Variants in PRORP observed in about 807,000 individuals in gnomAD.
PRORP encodes mitochondrial ribonuclease P catalytic subunit.
A neutral mutation model predicts 59.4 loss-of-function variants in PRORP; 51 were observed. That is an observed-to-expected ratio of 0.86 (90% CI 0.69 to 1.08). The LOEUF is 1.08. PRORP is among the 50% of genes least tolerant of loss of function. The pLI is 0.00. For synonymous variants in PRORP, 231 were observed against 245.6 expected (o/e 0.94, Z 0.55); for missense variants, 646 against 690.3 (o/e 0.94, Z 0.72).
intron 4 of PRORP, among the ~76,000 whole-genome samples, chr14:35,140,855 T>G (rs1469185017): frequency 6.8e-6 from 1 of 146,256 alleles, no homozygotes; most frequent in Non-Finnish European, 1.5e-5. Flanking sequence ...AGGTAATTTT[T>G]TAGCTTTTCT....
At chr14:35,201,710 TTG>T (rs1369992973) in intron 5 of PRORP, among the ~76,000 whole-genome samples, 1 of 151,758 alleles carries the variant, frequency 6.6e-6, no homozygotes. Context: ...TGGTGCGATC[TTG>T]CAGTGGTGCG....
chr14:35,205,013 A>G (rs1025265657), intron 5 of PRORP, among the ~76,000 whole-genome samples: 2 of 152,238 alleles, frequency 1.3e-5, no homozygotes, highest in African/African-American at 2.4e-5. Flanking sequence ...TAGAGAAGTC[A>G]ATGATAAATC....
At chr14:35,271,156 CTTTT>C (rs762721923) in intron 7 of PRORP, among the ~76,000 whole-genome samples, 1 of 114,558 alleles carries the variant, frequency 8.7e-6, no homozygotes, top group Non-Finnish European at 1.8e-5. Context: ...ATTATGACTT[CTTTT>C]TTTTTTTTTT....
intron 5 of PRORP, among the ~76,000 whole-genome samples, chr14:35,205,946 G>C (rs1486406497): frequency 6.6e-6 from 1 of 152,106 alleles, no homozygotes; most frequent in Admixed American, 6.5e-5. Flanking sequence ...TCTCTAAGAA[G>C]CTTACTATAA....
intron 4 of PRORP, among the ~76,000 whole-genome samples, chr14:35,167,512 T>C (rs1373846209): frequency 1.3e-5 from 2 of 152,198 alleles, no homozygotes; most frequent in African/African-American, 2.4e-5. Flanking sequence ...GTTGCCAGTT[T>C]AAAATTTCTC....
At chr14:35,223,906 C>T (rs2049863540) in intron 5 of PRORP, among the ~76,000 whole-genome samples, 1 of 152,112 alleles carries the variant, frequency 6.6e-6, no homozygotes, top group Non-Finnish European at 1.5e-5. Flanking sequence ...GGTATCATAC[C>T]AGCACCTCTA....
intron 5 of PRORP, among the ~76,000 whole-genome samples, chr14:35,206,829 C>G (rs2049306438): frequency 6.6e-6 from 1 of 152,172 alleles, no homozygotes; most frequent in South Asian, 2.1e-4. Flanking sequence ...AGGTCCATTC[C>G]ATTTCCATAT....
chr14:35,123,083 C>A lies in PRORP; in HGVS notation c.-163C>A. 1 of 715,074 alleles carries A rather than the reference C, an allele frequency of 1.4e-6. No individual in the cohort carries two copies. Among genetic ancestry groups the A allele is most frequent in the East Asian group, 2.7e-5 (1 of 36,956 alleles). 44.3% of individuals were successfully genotyped at this position (715,074 alleles called of 1,614,324 possible). On this transcript the variant is annotated 5_prime_UTR_variant, in exon 2 of 8. Coordinates refer to ENST00000534898, the MANE Select transcript of PRORP (RefSeq NM_014672.4). ...CACCTGCCTTCTTGCTTTTAAGTAG[C>A]CCCAAAAGCAGAACCTTGATTTGTC... is the stretch of plus-strand genomic sequence containing the variant.
chr14:35,228,264 A>G (rs544403587), intron 5 of PRORP, among the ~76,000 whole-genome samples: 46 of 152,342 alleles, frequency 3.0e-4, no homozygotes, highest in Admixed American at 2.6e-4. Flanking sequence ...AAAAGAAAAC[A>G]TAACATGTAA....
intron 5 of PRORP, among the ~76,000 whole-genome samples, chr14:35,186,184 G>A (rs1458286325): frequency 9.3e-6 from 1 of 107,580 alleles, no homozygotes; most frequent in South Asian, 2.7e-4. Flanking sequence ...ACGGGGTTTT[G>A]TCATGTTGCC....
chr14:35,190,795 AC>A (rs1261296377), intron 5 of PRORP, among the ~76,000 whole-genome samples: 2 of 152,076 alleles, frequency 1.3e-5, no homozygotes, highest in Non-Finnish European at 2.9e-5. Context: ...GAGCCACCGC[AC>A]CCGGCTGACT....
intron 4 of PRORP, among the ~76,000 whole-genome samples, chr14:35,171,932 A>G (rs1454799471): frequency 6.6e-6 from 1 of 151,794 alleles, no homozygotes; most frequent in Non-Finnish European, 1.5e-5. Context: ...CACCCTAGGA[A>G]TATTTTATTT....
Position 35,261,537 on chromosome 14 carries a change from C to T in PRORP, c.1276-5190C>T, listed in dbSNP as rs758509387. Among the ~76,000 whole-genome samples, 74 of 152,154 alleles carry T rather than the reference C, an allele frequency of 4.9e-4. 1 individual carries two copies. Among genetic ancestry groups the T allele is most frequent in the Middle Eastern group, 3.4e-3 (1 of 294 alleles). ...CGAGGTCAGGAGTTTGAGACCAGCC[C>T]GACCAACATGGCGAAACCCTGTCTC... On this transcript the variant is annotated intron_variant, in intron 5 of 7. Coordinates refer to ENST00000534898, the MANE Select transcript of PRORP (RefSeq NM_014672.4).
Position 35,273,616 on chromosome 14 carries a change from C to A in PRORP, c.*50C>A. ...TGTGTTTGGGTACCCTCTAGGTTGG[C>A]ATCAGAGGCTCTTGAGCTGGTGTTT... is the stretch of plus-strand genomic sequence containing the variant. On this transcript the variant is annotated 3_prime_UTR_variant, in exon 8 of 8. Coordinates refer to ENST00000534898, the MANE Select transcript of PRORP (RefSeq NM_014672.4). 1 of 1,569,042 alleles carries A rather than the reference C, an allele frequency of 6.4e-7. No individual in the cohort carries two copies. Among genetic ancestry groups the A allele is most frequent in the South Asian group, 1.2e-5 (1 of 83,952 alleles).
chr14:35,127,400 TTG>T, intron 3 of PRORP, 77 bp from the exon 4 acceptor site: 3 of 680,658 alleles, frequency 4.4e-6, no homozygotes, highest in Non-Finnish European at 6.2e-6. Context: ...AATTTCCTCA[TTG>T]TTCATTTCAC....
At chr14:35,145,819 ATTTATTTATTTATTTT>A (rs2047594989) in intron 4 of PRORP, among the ~76,000 whole-genome samples, 1 of 116,084 alleles carries the variant, frequency 8.6e-6, no homozygotes, top group African/African-American at 2.6e-5. Flanking sequence ...TTATTTATTT[ATTTATTTATTTATTTT>A]TTTATTTTTT....
intron 4 of PRORP, among the ~76,000 whole-genome samples, chr14:35,170,559 A>G (rs902184880): frequency 6.6e-6 from 1 of 152,092 alleles, no homozygotes; most frequent in Admixed American, 6.6e-5. Context: ...ATAGAATTCC[A>G]TTTACCACTT....
intron 3 of PRORP, among the ~76,000 whole-genome samples, chr14:35,127,243 CT>C (rs1426775919): frequency 3.3e-5 from 5 of 151,522 alleles, no homozygotes; most frequent in African/African-American, 1.2e-4. Context: ...ATACAAGACC[CT>C]GTCTCAAAAA....
At chr14:35,145,044 C>T (rs2047571889) in intron 4 of PRORP, among the ~76,000 whole-genome samples, 1 of 145,468 alleles carries the variant, frequency 6.9e-6, no homozygotes, top group South Asian at 2.3e-4. Context: ...GATCATAGCT[C>T]ATTGCAGCCT....
Sources: allele counts gnomAD v4.1 joint callset (sites outside exome capture counted in the v4.1 genomes callset), GRCh38; gene constraint gnomAD v4.1.1; transcripts MANE v1.5; gene names NCBI Gene and HGNC (gene_info 2026-07-23, HGNC 2026-07-21).